EMC2: variants seen among roughly 807,000 people sequenced by gnomAD.
The protein encoded by EMC2 is ER membrane protein complex subunit 2.
In EMC2, 37 loss-of-function variants were observed where a neutral mutation model predicts 51.6. The ratio of observed to expected loss-of-function variants is 0.72; its 90% CI spans 0.55 to 0.94. The LOEUF is 0.94. Ranked by LOEUF, EMC2 falls within the 40% of genes least tolerant of loss-of-function variation. EMC2 has a pLI of 0.00. For missense variants in EMC2, 359 were observed against 350.9 expected, an observed-to-expected ratio of 1.02 and a Z score of -0.18; for synonymous variants, 131 against 112.4, an observed-to-expected ratio of 1.17 and a Z score of -1.04.
At chr8:108,452,584 G>T (rs1819054332) in intron 3 of EMC2, among the ~76,000 whole-genome samples, 1 of 152,060 alleles carries the variant, frequency 6.6e-6, no homozygotes, top group African/African-American at 2.4e-5. Flanking sequence ...AATAAGAAAG[G>T]TTGGCTGATT....
chr8:108,445,604 A>T (rs551743447), intron 1 of EMC2, among the ~76,000 whole-genome samples: 2 of 152,128 alleles, frequency 1.3e-5, no homozygotes, highest in Non-Finnish European at 2.9e-5. Context: ...AAATTGAAAA[A>T]AAAAACCCAA....
At chr8:108,470,177 C>T in intron 7 of EMC2, 56 bp downstream of exon 7, 1 of 1,203,884 alleles carries the variant, frequency 8.3e-7, no homozygotes, top group Non-Finnish European at 1.2e-6. Flanking sequence ...ACTGTAAGTT[C>T]AGAAAGCACT....
At chr8:108,454,606 A>T (rs558391211) in intron 4 of EMC2, among the ~76,000 whole-genome samples, 41 of 152,238 alleles carry the variant, frequency 2.7e-4, no homozygotes, top group South Asian at 6.2e-4. Context: ...GCAAACTGTT[A>T]TCTGATCGAT....
At chr8:108,476,435 T>G (rs1469424089) in intron 8 of EMC2, among the ~76,000 whole-genome samples, 3 of 151,934 alleles carry the variant, frequency 2.0e-5, no homozygotes, top group African/African-American at 7.2e-5. Flanking sequence ...CAATTCAATA[T>G]TTAAGTCCAC....
At chr8:108,477,983 T>A (rs1810978075) in intron 9 of EMC2, among the ~76,000 whole-genome samples, 1 of 151,988 alleles carries the variant, frequency 6.6e-6, no homozygotes, top group Non-Finnish European at 1.5e-5. Flanking sequence ...TCGAGTTGGG[T>A]TTCCAGCCCA....
At chr8:108,456,359 A>AAAAC (rs1819158373) in intron 5 of EMC2, among the ~76,000 whole-genome samples, 5 of 149,950 alleles carry the variant, frequency 3.3e-5, no homozygotes, top group African/African-American at 1.2e-4. Flanking sequence ...AAAAAAAAAA[A>AAAAC]AACAACTTCT....
chr8:108,466,711 T>C (rs977832015), intron 5 of EMC2, among the ~76,000 whole-genome samples: 1 of 152,112 alleles, frequency 6.6e-6, no homozygotes, highest in African/African-American at 2.4e-5. Context: ...GCTTTGGCCT[T>C]CCAAAGTGTT....
At chr8:108,483,843 A>G (rs1811089194) in intron 10 of EMC2, among the ~76,000 whole-genome samples, 1 of 152,168 alleles carries the variant, frequency 6.6e-6, no homozygotes, top group Non-Finnish European at 1.5e-5. Flanking sequence ...CTTTCAGAGA[A>G]TGACATTCTT....
intron 5 of EMC2, among the ~76,000 whole-genome samples, chr8:108,464,420 G>A (rs1427887927): frequency 6.6e-6 from 1 of 152,166 alleles, no homozygotes; most frequent in Non-Finnish European, 1.5e-5. Context: ...AGGCAGGCAG[G>A]CCCTGAGCTA....
chr8:108,481,541 G>A (rs568403708), intron 10 of EMC2, among the ~76,000 whole-genome samples: 13 of 152,172 alleles, frequency 8.5e-5, no homozygotes, highest in South Asian at 8.3e-4. Flanking sequence ...ATGAGAAACA[G>A]CTACTCAGAG....
At chr8:108,457,321 C>CGT (rs765030855) in intron 5 of EMC2, among the ~76,000 whole-genome samples, 20 of 109,914 alleles carry the variant, frequency 1.8e-4, no homozygotes, top group East Asian at 3.0e-4. Flanking sequence ...TAGGGATGTG[C>CGT]GTGTGTGTGC....
chr8:108,457,293 G>T (rs986909395), intron 5 of EMC2, among the ~76,000 whole-genome samples: 7 of 149,202 alleles, frequency 4.7e-5, no homozygotes, highest in African/African-American at 1.2e-4. Flanking sequence ...TTTTTGAGTG[G>T]GTGTGTGGGG....
At position 108,486,369 on chromosome 8, in the gene EMC2, T is replaced by C. The variant is rs1225474706; in HGVS notation, c.808-143T>C. On this transcript the variant is annotated intron_variant, in intron 10 of 10. Coordinates refer to ENST00000220853, the MANE Select transcript of EMC2 (RefSeq NM_014673.5). ...CCTTAATACTCAAATTTTATTCTTA[T>C]TGAAAAAGCAAAGAATATATTTGAT... The C allele has an allele frequency of 1.6e-5, 20 of 1,229,666 alleles. No individual in the cohort carries two copies. The South Asian group carries it at 1.8e-4, about 11-fold the overall frequency. 76.2% of individuals were successfully genotyped at this position (1,229,666 alleles called of 1,614,324 possible).
intron 3 of EMC2, among the ~76,000 whole-genome samples, chr8:108,450,923 C>T (rs1370348910): frequency 6.6e-6 from 1 of 152,148 alleles, no homozygotes; most frequent in Non-Finnish European, 1.5e-5. Flanking sequence ...AATGTTTGGC[C>T]AGGCAAGGTG....
At chr8:108,482,337 T>G (rs968149279) in intron 10 of EMC2, among the ~76,000 whole-genome samples, 13 of 152,216 alleles carry the variant, frequency 8.5e-5, no homozygotes, top group African/African-American at 2.9e-4. Flanking sequence ...AGCCCTTTTT[T>G]AGTTATATGT....
At chr8:108,484,483 A>G (rs1811100651) in intron 10 of EMC2, among the ~76,000 whole-genome samples, 1 of 152,046 alleles carries the variant, frequency 6.6e-6, no homozygotes, top group Non-Finnish European at 1.5e-5. Context: ...AAAATTAGCT[A>G]ATTTTAAAAG....
In EMC2 at chr8:108,487,806, C is replaced by G. The variant is rs573443481; in HGVS notation, c.*1208C>G. 6.6e-6 allele frequency among the ~76,000 whole-genome samples: 1 copy of G among 152,168 alleles called. No homozygotes were observed. The highest frequency in any genetic ancestry group is 1.5e-5 in the Non-Finnish European group (1 of 67,996). On this transcript the variant is annotated 3_prime_UTR_variant, in exon 11 of 11. Transcript: ENST00000220853. ...AATAGTTCTGCTAATAAATTATTCT[C>G]CATATCTAGTCTAATCTTTCATATT...
intron 5 of EMC2, among the ~76,000 whole-genome samples, chr8:108,460,302 G>C (rs1819286516): frequency 6.6e-6 from 1 of 152,108 alleles, no homozygotes; most frequent in African/African-American, 2.4e-5. Context: ...ATTAATTATT[G>C]CTCTGTCTTT....
intron 8 of EMC2, among the ~76,000 whole-genome samples, chr8:108,476,224 A>C (rs1810943748): frequency 6.6e-6 from 1 of 151,830 alleles, no homozygotes; most frequent in African/African-American, 2.4e-5. Flanking sequence ...GTTATATCAC[A>C]TTTGTCACCA....
Sources: allele counts gnomAD v4.1 joint callset (sites outside exome capture counted in the v4.1 genomes callset), GRCh38; gene constraint gnomAD v4.1.1; transcripts MANE v1.5; gene names NCBI Gene and HGNC (gene_info 2026-07-23, HGNC 2026-07-21).